ATRNL1: variants seen among roughly 807,000 people sequenced by gnomAD.
ATRNL1 encodes the protein attractin-like protein 1.
A neutral mutation model predicts 182.7 loss-of-function variants in ATRNL1; 95 were observed. The observed-to-expected ratio is 0.52, with a 90% CI of 0.44 to 0.62. The LOEUF (loss-of-function observed/expected upper bound fraction) is 0.62. Among genes scored for constraint, ATRNL1 ranks in the 20% least tolerant of loss-of-function variants. The pLI is 0.00. For synonymous variants in ATRNL1, 576 were observed against 568.3 expected, an observed-to-expected ratio of 1.01 and a Z score of -0.19; for missense variants, 1,471 against 1,679.5, an observed-to-expected ratio of 0.88 and a Z score of 2.17.
At chr10:115,530,404 T>C (rs56102437) in intron 25 of ATRNL1, among the ~76,000 whole-genome samples, 1,704 of 152,246 alleles carry the variant, frequency 0.011, 24 homozygotes, top group African/African-American at 0.039. Flanking sequence ...GCCTTTCTTA[T>C]AGCCATCTTA....
At chr10:115,286,452 A>G in intron 15 of ATRNL1, 55 bp downstream of exon 15, 1 of 1,207,902 alleles carries the variant, frequency 8.3e-7, no homozygotes, top group Non-Finnish European at 1.1e-6. Flanking sequence ...TTTCATAATT[A>G]TTTGAAATTT....
At chr10:115,546,719 G>A (rs1338076490) in intron 25 of ATRNL1, among the ~76,000 whole-genome samples, 1 of 152,060 alleles carries the variant, frequency 6.6e-6, no homozygotes, top group Non-Finnish European at 1.5e-5. Context: ...CCTATATATT[G>A]TATGATATTT....
intron 5 of ATRNL1, among the ~76,000 whole-genome samples, chr10:115,138,836 A>G (rs1413505978): frequency 3.3e-5 from 5 of 152,172 alleles, no homozygotes; most frequent in African/African-American, 1.2e-4. Context: ...TCTCCTTATA[A>G]AATGGGATTT....
chr10:115,470,134 T>G (rs573148390), intron 24 of ATRNL1, among the ~76,000 whole-genome samples: 1 of 150,580 alleles, frequency 6.6e-6, no homozygotes, highest in African/African-American at 2.4e-5. Context: ...ATATGCTCTG[T>G]AACTAGAAAT....
At chr10:115,211,705 G>C (rs1554895033) in intron 8 of ATRNL1, among the ~76,000 whole-genome samples, 1 of 151,350 alleles carries the variant, frequency 6.6e-6, no homozygotes, top group East Asian at 1.9e-4. Flanking sequence ...TTGGTGTGCT[G>C]TACCCATTAA....
At chr10:115,481,635 T>C (rs572341392) in intron 24 of ATRNL1, among the ~76,000 whole-genome samples, 1 of 151,040 alleles carries the variant, frequency 6.6e-6, no homozygotes, top group East Asian at 1.9e-4. Context: ...TATTTTACTA[T>C]CATTTTATTA....
At chr10:115,227,720 G>A (rs904495213) in intron 9 of ATRNL1, among the ~76,000 whole-genome samples, 11 of 152,152 alleles carry the variant, frequency 7.2e-5, no homozygotes, top group Admixed American at 5.9e-4. Context: ...TACATACCAC[G>A]GAATGTTATG....
intron 19 of ATRNL1, among the ~76,000 whole-genome samples, chr10:115,391,389 G>A (rs1456191333): frequency 6.6e-6 from 1 of 152,136 alleles, no homozygotes; most frequent in Admixed American, 6.6e-5. Context: ...TCTGGTAGTG[G>A]GATGGGTCTG....
chr10:115,300,388 A>G (rs1853413151), intron 16 of ATRNL1, 141 bp downstream of exon 16: 2 of 616,248 alleles, frequency 3.2e-6, no homozygotes, highest in Admixed American at 3.5e-5. Context: ...ACTTACTATT[A>G]GTGATCTCAG....
chr10:115,604,570 A>G (rs1856776593), intron 26 of ATRNL1, among the ~76,000 whole-genome samples: 1 of 152,124 alleles, frequency 6.6e-6, no homozygotes. Context: ...GCATATATCC[A>G]TCCTCTTCTG....
At chr10:115,756,060 CT>C (rs1948581108) in intron 27 of ATRNL1, among the ~76,000 whole-genome samples, 1 of 151,674 alleles carries the variant, frequency 6.6e-6, no homozygotes, top group Admixed American at 6.6e-5. Context: ...TCTCTCTTTT[CT>C]TCTTTATTAC....
intron 21 of ATRNL1, among the ~76,000 whole-genome samples, chr10:115,440,808 T>A (rs928243556): frequency 2.6e-5 from 4 of 151,952 alleles, no homozygotes; most frequent in Non-Finnish European, 4.4e-5. Flanking sequence ...GTTGACTGTT[T>A]GGTCTTGAGC....
chr10:115,111,857 A>G (rs1182856806), intron 1 of ATRNL1, among the ~76,000 whole-genome samples: 1 of 152,180 alleles, frequency 6.6e-6, no homozygotes, highest in East Asian at 1.9e-4. Context: ...TAATGGGCTA[A>G]TATTTCACCT....
At chr10:115,528,105 G>T (rs892042009) in intron 25 of ATRNL1, among the ~76,000 whole-genome samples, 4 of 147,454 alleles carry the variant, frequency 2.7e-5, no homozygotes, top group African/African-American at 1.0e-4. Context: ...ATCTGCTTCA[G>T]CTGCATTCTG....
chr10:115,867,135 T>C (rs1235568585), intron 28 of ATRNL1, among the ~76,000 whole-genome samples: 2 of 152,224 alleles, frequency 1.3e-5, no homozygotes, highest in African/African-American at 2.4e-5. Context: ...CATATTTTTT[T>C]CTTTAAAAAA....
rs75442899 is a variant in ATRNL1 at position 115,895,008 on chromosome 10, C to T, written c.4018+47017C>T. On this transcript the variant is annotated intron_variant, in intron 28 of 28. Transcript: ENST00000355044. Reference sequence around the variant, plus strand: ...TTTTCTTAAGTAAAACTCAAATTGCCGTGTGCATGAGATCCAGAATAATGA... The same window carrying T: ...TTTTCTTAAGTAAAACTCAAATTGCTGTGTGCATGAGATCCAGAATAATGA... 2.1e-3 allele frequency among the ~76,000 whole-genome samples: 313 copies of T among 152,140 alleles called. 2 individuals are homozygous for T. The highest frequency in any genetic ancestry group is 0.013 in the East Asian group (69 of 5,182).
At chr10:115,851,256 A>G (rs981863893) in intron 28 of ATRNL1, among the ~76,000 whole-genome samples, 6 of 152,190 alleles carry the variant, frequency 3.9e-5, no homozygotes, top group Admixed American at 3.9e-4. Context: ...GCATCCTATG[A>G]GCATGGTGGA....
At chr10:115,805,690 G>T (rs1188726287) in intron 27 of ATRNL1, among the ~76,000 whole-genome samples, 4 of 152,048 alleles carry the variant, frequency 2.6e-5, no homozygotes, top group Non-Finnish European at 4.4e-5. Flanking sequence ...AGGGTTGGGG[G>T]TTATGGGGAA....
At chr10:115,198,288 C>A (rs1848435488) in intron 8 of ATRNL1, among the ~76,000 whole-genome samples, 1 of 151,916 alleles carries the variant, frequency 6.6e-6, no homozygotes, top group African/African-American at 2.4e-5. Flanking sequence ...TTTTCATATA[C>A]CTGTTGGGCA....
Sources: allele counts gnomAD v4.1 joint callset (sites outside exome capture counted in the v4.1 genomes callset), GRCh38; gene constraint gnomAD v4.1.1; transcripts MANE v1.5; gene names NCBI Gene and HGNC (gene_info 2026-07-23, HGNC 2026-07-21).